The following KIF7 variants were observed in gnomAD, a reference collection of about 807,000 sequenced individuals.
KIF7 encodes the protein kinesin-like protein KIF7.
Under a neutral mutation model 135.7 loss-of-function variants are expected in KIF7, and 104 were observed. That is an observed-to-expected ratio of 0.77 (90% CI 0.65 to 0.90). The LOEUF (loss-of-function observed/expected upper bound fraction) is 0.90. KIF7 is among the 40% of genes least tolerant of loss of function. The probability of loss-of-function intolerance (pLI) is 0.00; values close to 1 mark genes in which losing one functional copy is unlikely to be tolerated. For synonymous variants in KIF7, 883 were observed against 809.4 expected (o/e 1.09, Z -1.54); for missense variants, 2,005 against 1,839.1 (o/e 1.09, Z -1.65).
chr15:89,649,035 C>T lies in KIF7; in HGVS notation c.862G>A (p.Ala288Thr), dbSNP rs1308503261. ...CCCCGGCGCTGAGGGTCCCCCAGGG[C>T]GCTGATGACGTTGCCCAGCGCCAGG... ...SLLALGNVISALGDPQRRGSH... is the reference protein window; with the variant it reads ...SLLALGNVISTLGDPQRRGSH... Residue 288 changes from alanine to threonine, a missense_variant, in exon 4 of 19, where the codon GCC (alanine) becomes ACC (threonine). Coordinates refer to ENST00000394412, the MANE Select transcript of KIF7 (RefSeq NM_198525.3). The T allele has an allele frequency of 1.3e-6, 2 of 1,548,430 alleles. No individual in the cohort carries two copies. The highest frequency in any genetic ancestry group is 2.4e-5 in the South Asian group (2 of 84,046).
rs1266051949 is a variant in KIF7 at position 89,646,848 on chromosome 15, G to A, written c.1770C>T (p.Gly590=). 1 of 1,613,914 alleles carries A rather than the reference G, an allele frequency of 6.2e-7. No individual in the cohort carries two copies. The highest frequency in any genetic ancestry group is 8.5e-7 in the Non-Finnish European group (1 of 1,180,002). ...PPACLPGDEV[G]SEQRGEQVTN... Reference sequence around the variant, plus strand: ...TTCTCACCTCTCCCCTCTGCTCAGAGCCAACTTCATCTCCAGGGAGGCAGG... The same window carrying A: ...TTCTCACCTCTCCCCTCTGCTCAGAACCAACTTCATCTCCAGGGAGGCAGG... The change falls in exon 7 of 19, where the codon GGC becomes GGT. Residue 590 remains glycine, a synonymous_variant. Transcript: ENST00000394412.
At chr15:89,639,271 C>A (rs966387036) in intron 11 of KIF7, among the ~76,000 whole-genome samples, 42 of 152,110 alleles carry the variant, frequency 2.8e-4, no homozygotes, top group African/African-American at 9.6e-4. Context: ...CAATGGCAAC[C>A]AAAGCCAAAA....
At chr15:89,620,106 T>C (rs975686153) in intron 1 of KIF7, among the ~76,000 whole-genome samples, 1 of 152,200 alleles carries the variant, frequency 6.6e-6, no homozygotes, top group Non-Finnish European at 1.5e-5. Context: ...TAATTTCCCA[T>C]AAGGACAGAA....
At chr15:89,645,237 G>T (rs553000694) in intron 9 of KIF7, 72 bp from the exon 10 acceptor site, 1 of 1,601,774 alleles carries the variant, frequency 6.2e-7, no homozygotes, top group Admixed American at 1.7e-5. Flanking sequence ...GAGAGCAGGG[G>T]CTGCCAGGGA....
At chr15:89,635,390 G>A (rs2142005467) in intron 11 of KIF7, among the ~76,000 whole-genome samples, 1 of 152,278 alleles carries the variant, frequency 6.6e-6, no homozygotes, top group South Asian at 2.1e-4. Flanking sequence ...AGCTATGGGA[G>A]GAAATTCAAA....
rs373852548 is a variant in KIF7, at chr15:89,642,193, C to G, written c.2394+10G>C. 1.9e-6 allele frequency: 3 copies of G among 1,609,012 alleles called. No individual in the cohort carries two copies. Among genetic ancestry groups the G allele is most frequent in the Non-Finnish European group, 1.7e-6 (2 of 1,179,006 alleles). On this transcript the variant is annotated intron_variant, in intron 11 of 18. Transcript: ENST00000394412. ...ACCCCAGCACCCCACCCTGAGGCCCCGAGACTAACCTGCACCTGGCTCTGG... is the reference window on the plus strand; with the variant it reads ...ACCCCAGCACCCCACCCTGAGGCCCGGAGACTAACCTGCACCTGGCTCTGG...
intron 11 of KIF7, among the ~76,000 whole-genome samples, chr15:89,641,195 T>C (rs942058078): frequency 1.3e-5 from 2 of 151,812 alleles, no homozygotes; most frequent in Non-Finnish European, 2.9e-5. Context: ...ACCAGGGTCC[T>C]CATGACAAGA....
chr15:89,629,547 G>A lies in KIF7; in HGVS notation c.3345C>T (p.His1115=), dbSNP rs142032413. 97 of 1,608,740 alleles carry A rather than the reference G, an allele frequency of 6.0e-5. No homozygotes were observed. The highest frequency in any genetic ancestry group is 7.4e-5 in the Non-Finnish European group (87 of 1,179,988). The change falls in exon 17 of 19, where the codon CAC becomes CAT. Residue 1115 remains histidine, a synonymous_variant. Transcript: ENST00000394412. ...GTTCCGAGAAGGCAATCTGCTGCTG[G>A]TGCTGCTCCTCTCGGAGCGTCACCA... ...DKVVTLREEQ[H]QQQIAFSELE...
intron 1 of KIF7, among the ~76,000 whole-genome samples, chr15:89,655,003 C>T (rs1342145221): frequency 6.6e-6 from 1 of 152,242 alleles, no homozygotes; most frequent in Non-Finnish European, 1.5e-5. Flanking sequence ...AGCGCTCCCG[C>T]TCCGAAGGTG....
Position 89,630,511 on chromosome 15 carries a change from C to T in KIF7, c.3112-18G>A, listed in dbSNP as rs932658769. ...CGCTCCTCCTGCAGAGACGGGCACG[C>T]GTGGAGGAACAGCACCCACTGCCTG... On this transcript the variant is annotated intron_variant, in intron 15 of 18. Coordinates refer to ENST00000394412, the MANE Select transcript of KIF7 (RefSeq NM_198525.3). 21 of 1,539,480 alleles carry T rather than the reference C, an allele frequency of 1.4e-5. No individual in the cohort carries two copies. Among genetic ancestry groups the T allele is most frequent in the East Asian group, 7.3e-5 (3 of 40,908 alleles).
In KIF7 at chr15:89,645,418, C is replaced by G; in HGVS notation, c.1956G>C (p.Gly652=). 6.2e-7 allele frequency: 1 copy of G among 1,613,976 alleles called. No individual in the cohort carries two copies. Among genetic ancestry groups the G allele is most frequent in the Non-Finnish European group, 8.5e-7 (1 of 1,179,896 alleles). ...NRISNCSQRA[G]ARPGSLPERK... ...TCTCTGGCAGACTCCCTGGGCGTGC[C>G]CCCGCCCTCTGACTGCAGTTGCTGA... Residue 652 remains glycine, a synonymous_variant, in exon 9 of 19, where the codon GGG becomes GGC. Coordinates refer to ENST00000394412, the MANE Select transcript of KIF7 (RefSeq NM_198525.3).
At chr15:89,645,219 G>A in intron 9 of KIF7, 54 bp from the exon 10 acceptor site, 2 of 1,605,252 alleles carry the variant, frequency 1.2e-6, no homozygotes, top group Non-Finnish European at 1.7e-6. Flanking sequence ...GGGGGAGACA[G>A]AGGAGTGGAG....
In KIF7 at chr15:89,649,004, T is replaced by C. The variant is rs1195572623; in HGVS notation, c.893A>G (p.His298Arg). 3.2e-6 allele frequency: 5 copies of C among 1,546,884 alleles called. No homozygotes were observed. The highest frequency in any genetic ancestry group is 2.4e-5 in the South Asian group (2 of 83,988). Residue 298 changes from histidine to arginine, a missense_variant, in exon 4 of 19, where the codon CAC (histidine) becomes CGC (arginine). Transcript: ENST00000394412. ...ALGDPQRRGS[H>R]IPYRDSKITR... is the part of the protein sequence containing the mutation. ...GATCTTGGAGTCGCGGTAGGGTATG[T>C]GGCTGCCCCGGCGCTGAGGGTCCCC...
chr15:89,647,620 G>C lies in KIF7; in HGVS notation c.1536C>G (p.Asp512Glu). ...ENRDFLAALE[D>E]AMEQYKLQSD... is the part of the protein sequence containing the mutation. ...CCTGCAGTTTGTACTGCTCCATGGC[G>C]TCCTCCAGCGCAGCCAGAAAGTCTC... is the stretch of plus-strand genomic sequence containing the variant. The change falls in exon 6 of 19, where the codon GAC becomes GAG. Residue 512 changes from aspartate (D) to glutamate (E), a missense_variant. Transcript: ENST00000394412. The C allele has an allele frequency of 6.2e-7, 1 of 1,611,812 alleles. No individual in the cohort carries two copies. The highest frequency in any genetic ancestry group is 1.1e-5 in the South Asian group (1 of 91,062).
chr15:89,652,713 G>T lies in KIF7; in HGVS notation c.218C>A (p.Ala73Asp), dbSNP rs552362795. 6.4e-7 allele frequency: 1 copy of T among 1,551,808 alleles called. No individual in the cohort carries two copies. The highest frequency in any genetic ancestry group is 1.4e-5 in the African/African-American group (1 of 73,188). The change falls in exon 2 of 19, where the codon GCC becomes GAC. Residue 73 changes from alanine (A) to aspartate (D), a missense_variant. Ala to Asp is a moderately radical substitution (Grantham distance 126). Coordinates refer to ENST00000394412, the MANE Select transcript of KIF7 (RefSeq NM_198525.3). ...EDAGQEAVYQ[A>D]CVQPLLEAFF... ...GGCCTCAAGGAGGGGCTGAACGCAG[G>T]CCTGGTACACGGCCTCCTGCCCCGC...
At chr15:89,625,410 C>CGGG, downstream of KIF7, 1 of 1,613,930 alleles carries the variant, frequency 6.2e-7, no homozygotes, top group East Asian at 2.2e-5. Context: ...GCTCCTCTTC[C>CGGG]GGGAGGGGCG....
chr15:89,635,488 T>C (rs1198254404), intron 11 of KIF7, among the ~76,000 whole-genome samples: 3 of 152,204 alleles, frequency 2.0e-5, no homozygotes, highest in Non-Finnish European at 1.5e-5. Flanking sequence ...TTAAAGGAGC[T>C]GATGGAGCTG....
At chr15:89,648,208 C>T (rs1964050561) in intron 5 of KIF7, 47 bp downstream of exon 5, 2 of 1,446,398 alleles carry the variant, frequency 1.4e-6, no homozygotes, top group Middle Eastern at 2.5e-4. Flanking sequence ...TCCTCTCCAC[C>T]ACTCCCCACT....
chr15:89,626,918 G>C, downstream of KIF7: 6 of 1,604,176 alleles, frequency 3.7e-6, no homozygotes, highest in Non-Finnish European at 5.1e-6. Context: ...TCGGTCCTCT[G>C]TGACTCCTGC....
Sources: allele counts gnomAD v4.1 joint callset (sites outside exome capture counted in the v4.1 genomes callset), GRCh38; gene constraint gnomAD v4.1.1; transcripts MANE v1.5; gene names NCBI Gene and HGNC (gene_info 2026-07-23, HGNC 2026-07-21).